DMXL2: variants seen among roughly 807,000 people sequenced by gnomAD.
DMXL2 encodes the protein dmX-like protein 2.
A neutral mutation model predicts 331.1 loss-of-function variants in DMXL2; 103 were observed. The observed-to-expected ratio is 0.31, with a 90% CI of 0.27 to 0.37. DMXL2 has a LOEUF of 0.37. Ranked by LOEUF, DMXL2 falls within the 10% of genes least tolerant of loss-of-function variation. The pLI is 1.00. For missense variants in DMXL2, 3,171 were observed against 3,642.9 expected, an observed-to-expected ratio of 0.87 and a Z score of 3.33; for synonymous variants, 1,281 against 1,252.1, an observed-to-expected ratio of 1.02 and a Z score of -0.49.
rs376476073 is a variant in DMXL2, at chr15:51,492,169, G to A, written c.4784-422C>T. ...CTCTGTCACCAGGACCTGTGAATCC[G>A]GCCCGCCCAAGAGGACACAAGGTGT... On this transcript the variant is annotated intron_variant, in intron 19 of 43. Coordinates refer to ENST00000560891, the MANE Select transcript of DMXL2 (RefSeq NM_001378457.1). Among the ~76,000 whole-genome samples, 29 of 152,322 alleles carry A rather than the reference G, an allele frequency of 1.9e-4. 1 individual carries two copies. In the South Asian group the frequency reaches 5.6e-3, roughly 29 times the overall value.
chr15:51,618,168 C>T (rs1388916349), intron 1 of DMXL2, among the ~76,000 whole-genome samples: 1 of 152,218 alleles, frequency 6.6e-6, no homozygotes, highest in African/African-American at 2.4e-5. Flanking sequence ...TTCTCTTAGT[C>T]TTCCTGAATT....
rs2141169821 is a variant in DMXL2, at chr15:51,448,733, T to G, written c.*251A>C. The G allele has an allele frequency of 1.3e-5, 6 of 461,738 alleles. No homozygotes were observed. The South Asian group carries it at 2.2e-4, about 17-fold the overall frequency. The allele number at this position is 461,738 out of a possible 1,614,324, so 28.6% of individuals were successfully genotyped here. On this transcript the variant is annotated 3_prime_UTR_variant, in exon 44 of 44. Transcript: ENST00000560891. ...ATCTCAAATGTTTTCTGAATCAGGT[T>G]TGCTAAATGCTGTAAAGAATAGCTA...
In DMXL2 at chr15:51,476,738, G is replaced by C. The variant is rs1595942024; in HGVS notation, c.6834-19C>G. ...TTGACTGCTAAAACAAATAGGTTCA[G>C]TTATTTATCATCCTGAGAGGTAATA... On this transcript the variant is annotated intron_variant, in intron 26 of 43. Transcript: ENST00000560891. 3 of 1,581,032 alleles carry C rather than the reference G, an allele frequency of 1.9e-6. No homozygotes were observed. Among genetic ancestry groups the C allele is most frequent in the Non-Finnish European group, 2.6e-6 (3 of 1,170,700 alleles).
At chr15:51,464,911 A>C (rs1384088559) in intron 31 of DMXL2, 35 bp from the exon 32 acceptor site, 6 of 1,522,420 alleles carry the variant, frequency 3.9e-6, no homozygotes, top group Non-Finnish European at 5.4e-6. Context: ...TTATTTTAAT[A>C]AAAAATATCG....
chr15:51,464,613 C>T, intron 32 of DMXL2, 62 bp downstream of exon 32: 1 of 1,459,444 alleles, frequency 6.9e-7, no homozygotes, highest in Non-Finnish European at 9.5e-7. Flanking sequence ...GCATATTTAG[C>T]CAAACTGTCT....
At chr15:51,589,689 T>TA (rs1567157810) in intron 1 of DMXL2, among the ~76,000 whole-genome samples, 1 of 152,210 alleles carries the variant, frequency 6.6e-6, no homozygotes. Flanking sequence ...GATAGCTAAA[T>TA]GTACTTTTTT....
At chr15:51,491,466 C>G in intron 20 of DMXL2, 112 bp downstream of exon 20, 1 of 1,118,728 alleles carries the variant, frequency 8.9e-7, no homozygotes, top group Non-Finnish European at 1.3e-6. Flanking sequence ...TTCTCAAGAC[C>G]TCAAGATAGA....
intron 1 of DMXL2, among the ~76,000 whole-genome samples, chr15:51,611,611 G>A (rs1424196815): frequency 6.6e-6 from 1 of 152,156 alleles, no homozygotes; most frequent in Non-Finnish European, 1.5e-5. Context: ...GGAGAAATGG[G>A]AGCTTTGTGT....
Position 51,565,178 on chromosome 15 carries a change from A to G in DMXL2, c.286-12T>C. 1 of 1,540,040 alleles carries G rather than the reference A, an allele frequency of 6.5e-7. No individual in the cohort carries two copies. Among genetic ancestry groups the G allele is most frequent in the South Asian group, 1.3e-5 (1 of 78,852 alleles). ...TGGCACTTGAGTTGCTGAAATACGT[A>G]GACAAAAAGAAATAAGAAAAAAGAA... On this transcript the variant is annotated splice_polypyrimidine_tract_variant and intron_variant, in intron 3 of 43. Coordinates refer to ENST00000560891, the MANE Select transcript of DMXL2 (RefSeq NM_001378457.1).
chr15:51,513,789 A>G (rs1358550328), intron 15 of DMXL2, among the ~76,000 whole-genome samples: 1 of 152,180 alleles, frequency 6.6e-6, no homozygotes, highest in East Asian at 1.9e-4. Flanking sequence ...TGTTGGTTTT[A>G]TAATTATGAA....
Position 51,622,462 on chromosome 15 carries a change from G to A in DMXL2, c.84C>T (p.Phe28=), listed in dbSNP as rs1187341667. The change falls in exon 1 of 44, where the codon TTC becomes TTT. Residue 28 remains phenylalanine (F), a synonymous_variant. Coordinates refer to ENST00000560891, the MANE Select transcript of DMXL2 (RefSeq NM_001378457.1). ...AGGGCTCCCGGCCGCCGCTCACCGT[G>A]AAGGGGACATCCCCGACGCTGCCCA... The part of the protein sequence containing the change: ...YSVGSVGDVP[F]TAYGSGCDIV... The A allele has an allele frequency of 6.4e-7, 1 of 1,562,506 alleles. No homozygotes were observed. Among genetic ancestry groups the A allele is most frequent in the Non-Finnish European group, 8.7e-7 (1 of 1,152,948 alleles).
chr15:51,451,851 TG>T (rs1455607611), intron 41 of DMXL2, among the ~76,000 whole-genome samples, 154 bp from the exon 42 acceptor site: 1 of 152,202 alleles, frequency 6.6e-6, no homozygotes, highest in Non-Finnish European at 1.5e-5. Flanking sequence ...CCAACTAGGA[TG>T]GGGGTAGGGT....
At chr15:51,518,175 A>T (rs2047143536) in intron 13 of DMXL2, among the ~76,000 whole-genome samples, 1 of 152,140 alleles carries the variant, frequency 6.6e-6, no homozygotes, top group African/African-American at 2.4e-5. Flanking sequence ...TCTACTAAAA[A>T]TATAAAAATT....
At chr15:51,547,897 G>C (rs977350241) in intron 6 of DMXL2, among the ~76,000 whole-genome samples, 2 of 152,120 alleles carry the variant, frequency 1.3e-5, no homozygotes, top group Non-Finnish European at 2.9e-5. Context: ...TGGTAAATAA[G>C]TTAGGCTTTG....
intron 13 of DMXL2, 28 bp from the exon 14 acceptor site, chr15:51,517,195 T>C (rs1320986111): frequency 6.5e-7 from 1 of 1,528,638 alleles, no homozygotes. Context: ...AAAATGTTAA[T>C]GGCCAACAAA....
intron 9 of DMXL2, among the ~76,000 whole-genome samples, chr15:51,539,931 T>C (rs951641458): frequency 2.0e-5 from 3 of 152,252 alleles, no homozygotes; most frequent in Non-Finnish European, 2.9e-5. Flanking sequence ...ATTCTGGTAA[T>C]GTTCTATTAC....
intron 1 of DMXL2, among the ~76,000 whole-genome samples, chr15:51,612,012 T>C (rs1357742818): frequency 6.6e-6 from 1 of 152,160 alleles, no homozygotes; most frequent in Non-Finnish European, 1.5e-5. Context: ...ACAGTAAACC[T>C]TGCTACCACT....
intron 41 of DMXL2, among the ~76,000 whole-genome samples, chr15:51,451,973 T>A (rs2039185642): frequency 6.6e-6 from 1 of 152,152 alleles, no homozygotes. Context: ...GTATAAGGAA[T>A]GCTTTTATAT....
Position 51,524,703 on chromosome 15 carries a change from C to G in DMXL2, c.2437-7536G>C, listed in dbSNP as rs546740371. ...AGCTGACGCTCACCCATGGAGGGAG[C>G]CCTACCCAGAGGGGAATCGCTGATC... is the stretch of plus-strand genomic sequence containing the variant. On this transcript the variant is annotated intron_variant, in intron 13 of 43. Transcript: ENST00000560891. Among the ~76,000 whole-genome samples, 125 of 152,238 alleles carry G rather than the reference C, an allele frequency of 8.2e-4. 2 individuals carry two copies. Among genetic ancestry groups the G allele is most frequent in the Non-Finnish European group, 1.5e-3 (101 of 68,006 alleles).
Sources: allele counts gnomAD v4.1 joint callset (sites outside exome capture counted in the v4.1 genomes callset), GRCh38; gene constraint gnomAD v4.1.1; transcripts MANE v1.5; gene names NCBI Gene and HGNC (gene_info 2026-07-23, HGNC 2026-07-21).